PHF14: variants seen among roughly 807,000 people sequenced by gnomAD.
The protein encoded by PHF14 is PHD finger protein 14.
Under a neutral mutation model 117.9 loss-of-function variants are expected in PHF14, and 55 were observed. The ratio of observed to expected loss-of-function variants is 0.47; its 90% CI spans 0.38 to 0.58. PHF14 has a LOEUF of 0.58. Among genes scored for constraint, PHF14 ranks in the 20% least tolerant of loss-of-function variants. The pLI is 0.00. For synonymous variants in PHF14, 409 were observed against 368.6 expected (o/e 1.11, Z -1.26); for missense variants, 978 against 1,122.2 (o/e 0.87, Z 1.84).
In PHF14 at chr7:10,997,593, A is replaced by G. The variant is rs191014121; in HGVS notation, c.1045+6746A>G. On this transcript the variant is annotated intron_variant, in intron 4 of 17. Coordinates refer to ENST00000634607, the MANE Select transcript of PHF14 (RefSeq NM_001007157.2). ...GGCTTAGAGTCTCTCATGAAGTTGC[A>G]GGTCAAAGCCATAGCCTGGGCTGTA... Among the ~76,000 whole-genome samples, 317 of 152,366 alleles carry G rather than the reference A, an allele frequency of 2.1e-3. 1 individual carries two copies. Among genetic ancestry groups the G allele is most frequent in the Non-Finnish European group, 2.2e-3 (152 of 68,038 alleles).
chr7:11,024,553 G>C (rs79868680), intron 6 of PHF14, among the ~76,000 whole-genome samples: 1,795 of 152,252 alleles, frequency 0.012, 40 homozygotes, highest in African/African-American at 0.041. Flanking sequence ...ACTTTAAGTT[G>C]AAGCCAGTGC....
intron 6 of PHF14, among the ~76,000 whole-genome samples, chr7:11,028,341 A>G (rs777552724): frequency 2.6e-5 from 4 of 152,198 alleles, no homozygotes; most frequent in Admixed American, 2.6e-4. Flanking sequence ...AAGTTAAAAA[A>G]TTAGAAGTGG....
intron 12 of PHF14, 97 bp from the exon 13 acceptor site, chr7:11,042,586 C>A: frequency 1.3e-6 from 1 of 760,156 alleles, no homozygotes; most frequent in Non-Finnish European, 2.0e-6. Context: ...TAAGTTAAAT[C>A]AAGATGAAAT....
At chr7:11,006,909 T>C in intron 4 of PHF14, 1 of 494,302 alleles carries the variant, frequency 2.0e-6, no homozygotes, top group Non-Finnish European at 3.8e-6. Context: ...GCGCGGTGGC[T>C]CACACCTTTA....
intron 17 of PHF14, among the ~76,000 whole-genome samples, chr7:11,118,481 T>C (rs1183430244): frequency 1.3e-5 from 2 of 151,874 alleles, no homozygotes; most frequent in Non-Finnish European, 2.9e-5. Flanking sequence ...TTAATAATTA[T>C]TTGCTTAACA....
At chr7:10,998,274 A>T (rs1312161579) in intron 4 of PHF14, among the ~76,000 whole-genome samples, 2 of 152,178 alleles carry the variant, frequency 1.3e-5, no homozygotes, top group Non-Finnish European at 2.9e-5. Flanking sequence ...AGTTATTTTT[A>T]AAATGTTTCT....
At chr7:11,153,412 AG>A (rs2128354638) in intron 17 of PHF14, among the ~76,000 whole-genome samples, 1 of 152,182 alleles carries the variant, frequency 6.6e-6, no homozygotes, top group East Asian at 1.9e-4. Context: ...GGGGAAGTTT[AG>A]GGTTGGGAAT....
intron 17 of PHF14, among the ~76,000 whole-genome samples, chr7:11,114,960 T>C (rs1053053070): frequency 1.3e-5 from 2 of 152,046 alleles, no homozygotes; most frequent in African/African-American, 4.8e-5. Context: ...AATCCTATTG[T>C]TAATAAATGC....
At chr7:11,052,195 T>C (rs1784870168) in intron 14 of PHF14, among the ~76,000 whole-genome samples, 1 of 152,216 alleles carries the variant, frequency 6.6e-6, no homozygotes, top group Non-Finnish European at 1.5e-5. Context: ...AAATAATACA[T>C]GGTTTATTTT....
chr7:11,041,583 G>T (rs1784507593), intron 12 of PHF14, among the ~76,000 whole-genome samples: 1 of 151,776 alleles, frequency 6.6e-6, no homozygotes, highest in Non-Finnish European at 1.5e-5. Context: ...ACTACCTTCT[G>T]TTTTTTTGTT....
In PHF14 at chr7:10,985,638, G is replaced by T. The variant is rs936064789; in HGVS notation, c.900+2479G>T. On this transcript the variant is annotated intron_variant, in intron 3 of 17. Transcript: ENST00000634607. The stretch of plus-strand genomic sequence containing the variant: ...ACTCTCTAGCAGTGATTCTCAAACT[G>T]TTTTTTTTTTTTTTTTTTTTTTTTT... Among the ~76,000 whole-genome samples the T allele has an allele frequency of 0.012, 536 of 45,608 alleles. 15 individuals are homozygous for T. In the East Asian group the frequency reaches 0.14, roughly 12 times the overall value. 29.9% of individuals were successfully genotyped at this position (45,608 alleles called of 152,430 possible). A position where few individuals can be genotyped will look rare whatever the true frequency, so the allele number is the denominator to read the frequency against.
chr7:11,075,484 A>G (rs1785803152), intron 16 of PHF14, among the ~76,000 whole-genome samples: 1 of 146,176 alleles, frequency 6.8e-6, no homozygotes, highest in Admixed American at 6.8e-5. Flanking sequence ...AAGCAAGAGA[A>G]AGAGGAGGAA....
chr7:11,158,678 A>G (rs1788932427), intron 17 of PHF14, among the ~76,000 whole-genome samples: 1 of 152,106 alleles, frequency 6.6e-6, no homozygotes, highest in Admixed American at 6.5e-5. Flanking sequence ...CATACAAACA[A>G]TGGGGATTTA....
intron 17 of PHF14, among the ~76,000 whole-genome samples, chr7:11,166,638 G>T (rs897197275): frequency 6.6e-6 from 1 of 152,044 alleles, no homozygotes; most frequent in Non-Finnish European, 1.5e-5. Context: ...CTGTTATTTT[G>T]ATAATGTTAT....
chr7:11,015,951 T>G (rs923466675), intron 5 of PHF14, among the ~76,000 whole-genome samples: 1 of 152,100 alleles, frequency 6.6e-6, no homozygotes, highest in African/African-American at 2.4e-5. Context: ...TTTATTTTAC[T>G]GTTTTTCTTG....
chr7:11,034,356 T>G (rs1466362468), intron 7 of PHF14, among the ~76,000 whole-genome samples: 1 of 152,034 alleles, frequency 6.6e-6, no homozygotes, highest in African/African-American at 2.4e-5. Flanking sequence ...ATTACTTTTT[T>G]GTACTACATC....
chr7:11,028,306 C>T (rs1488309688), intron 6 of PHF14, among the ~76,000 whole-genome samples: 1 of 152,116 alleles, frequency 6.6e-6, no homozygotes, highest in African/African-American at 2.4e-5. Flanking sequence ...TTCTGCTGAG[C>T]GTGTATTGTT....
At chr7:11,111,187 TTGCC>T in intron 16 of PHF14, 159 bp from the exon 17 acceptor site, 2 of 488,710 alleles carry the variant, frequency 4.1e-6, no homozygotes, top group South Asian at 7.2e-5. Context: ...CAGGTTTAGT[TTGCC>T]TTTATCATCA....
intron 6 of PHF14, among the ~76,000 whole-genome samples, chr7:11,028,206 A>G (rs547625854): frequency 1.3e-4 from 20 of 152,346 alleles, no homozygotes; most frequent in African/African-American, 4.8e-4. Flanking sequence ...ACTTTATTTT[A>G]TAATAAAATG....
Sources: gnomAD v4.1 joint callset for allele counts (sites outside exome capture counted in the v4.1 genomes callset) on GRCh38, gnomAD v4.1.1 for gene constraint, MANE v1.5 for transcripts, NCBI Gene and HGNC (gene_info 2026-07-23, HGNC 2026-07-21) for gene names.